IL1RAPL2: variants seen among roughly 807,000 people sequenced by gnomAD.
The protein encoded by IL1RAPL2 is interleukin 1 receptor accessory protein like 2.
Under a neutral mutation model 44.1 loss-of-function variants are expected in IL1RAPL2, and 3 were observed. That is an observed-to-expected ratio of 0.07 (90% confidence interval 0.03 to 0.18). IL1RAPL2 has a LOEUF of 0.18. Ranked by LOEUF, IL1RAPL2 falls within the 10% of genes least tolerant of loss-of-function variation. The pLI is 1.00. For missense variants in IL1RAPL2, 391 were observed against 496.4 expected (o/e 0.79, Z 2.02); for synonymous variants, 181 against 178.8 (o/e 1.01, Z -0.10).
intron 6 of IL1RAPL2, among the ~76,000 whole-genome samples, chrX:105,523,911 T>C (rs1027754629): frequency 2.0e-4 from 22 of 111,444 alleles, no homozygotes; most frequent in Non-Finnish European, 3.6e-4. Context: ...GTTCAGTATA[T>C]GAATGAACAG....
At chrX:105,309,985 A>G (rs2034784125) in intron 5 of IL1RAPL2, among the ~76,000 whole-genome samples, 1 of 111,374 alleles carries the variant, frequency 9.0e-6, no homozygotes, top group Non-Finnish European at 1.9e-5. Context: ...TATCATGATT[A>G]TGATGGTTTT....
intron 2 of IL1RAPL2, among the ~76,000 whole-genome samples, chrX:104,784,152 A>G (rs1932787476): frequency 8.9e-6 from 1 of 112,163 alleles, no homozygotes; most frequent in South Asian, 3.7e-4. Context: ...GGCAAGATGC[A>G]CATGTATTTC....
At chrX:104,670,471 C>T (rs1237385271) in intron 2 of IL1RAPL2, among the ~76,000 whole-genome samples, 3 of 111,599 alleles carry the variant, frequency 2.7e-5, no homozygotes, top group East Asian at 2.8e-4. Context: ...AATGTTATCT[C>T]CTCTGGCAAC....
intron 5 of IL1RAPL2, among the ~76,000 whole-genome samples, chrX:105,359,268 T>C (rs1602375610): frequency 9.0e-6 from 1 of 111,409 alleles, no homozygotes; most frequent in South Asian, 3.8e-4. Context: ...AGAATTTAAG[T>C]AGATGTAGAG....
At chrX:104,971,199 T>A (rs1437488772) in intron 2 of IL1RAPL2, among the ~76,000 whole-genome samples, 1 of 109,552 alleles carries the variant, frequency 9.1e-6, no homozygotes, top group African/African-American at 3.3e-5. Context: ...AATACAAAAA[T>A]TAGCCGGGCG....
chrX:104,726,598 T>A (rs1931798228), intron 2 of IL1RAPL2, among the ~76,000 whole-genome samples: 1 of 111,388 alleles, frequency 9.0e-6, no homozygotes, highest in African/African-American at 3.3e-5. Context: ...GTTCTTCACA[T>A]CTCTTGTAAG....
intron 2 of IL1RAPL2, among the ~76,000 whole-genome samples, chrX:104,898,756 A>G (rs1235911437): frequency 8.9e-6 from 1 of 112,120 alleles, no homozygotes; most frequent in African/African-American, 3.2e-5. Flanking sequence ...TGAGCTGAAC[A>G]TTTTCTTTTG....
rs191214897 is a variant in IL1RAPL2 at position 104,778,279 on chromosome X, C to T, written c.82+119284C>T. On this transcript the variant is annotated intron_variant, in intron 2 of 10. Coordinates refer to ENST00000372582, the MANE Select transcript of IL1RAPL2 (RefSeq NM_017416.2). ...AGATCTTTAATTCAGAAAAGAATTT[C>T]TATGCAATGAAAAGAGAGAAAAGTA... Among the ~76,000 whole-genome samples the T allele has an allele frequency of 1.4e-4, 16 of 110,977 alleles. No individual in the cohort carries two copies. In the East Asian group the frequency reaches 4.2e-3, roughly 29 times the overall value.
chrX:104,867,130 G>A (rs1182529284), intron 2 of IL1RAPL2, among the ~76,000 whole-genome samples: 3 of 107,461 alleles, frequency 2.8e-5, no homozygotes, highest in East Asian at 2.9e-4. Context: ...CCAGCTACTC[G>A]GGAGGCTGAG....
intron 6 of IL1RAPL2, among the ~76,000 whole-genome samples, chrX:105,613,063 AGCTTGTG>A (rs1351086948): frequency 3.6e-5 from 4 of 111,684 alleles, no homozygotes; most frequent in Non-Finnish European, 7.5e-5. Context: ...CAGGCTGAAC[AGCTTGTG>A]GCTCCAAAAA....
At chrX:105,213,637 GA>G (rs1161481914) in intron 3 of IL1RAPL2, among the ~76,000 whole-genome samples, 1 of 110,542 alleles carries the variant, frequency 9.0e-6, no homozygotes, top group Non-Finnish European at 1.9e-5. Flanking sequence ...ACACCACTAA[GA>G]TACTCTTCGA....
At chrX:104,950,555 C>A (rs1925544436) in intron 2 of IL1RAPL2, among the ~76,000 whole-genome samples, 1 of 112,433 alleles carries the variant, frequency 8.9e-6, no homozygotes, top group Non-Finnish European at 1.9e-5. Flanking sequence ...CAGTGACGGG[C>A]GCCCCTCCCC....
chrX:105,570,269 A>C (rs776641912), intron 6 of IL1RAPL2, among the ~76,000 whole-genome samples: 1 of 111,819 alleles, frequency 8.9e-6, no homozygotes, highest in East Asian at 2.8e-4. Context: ...CTCCATCTCC[A>C]TCCAAATGGC....
At chrX:104,709,141 T>C (rs1218781245) in intron 2 of IL1RAPL2, among the ~76,000 whole-genome samples, 1 of 110,162 alleles carries the variant, frequency 9.1e-6, no homozygotes, top group African/African-American at 3.3e-5. Flanking sequence ...TCTTTGACCA[T>C]AGGTAAGCTA....
intron 3 of IL1RAPL2, among the ~76,000 whole-genome samples, chrX:105,201,035 C>T (rs2033713514): frequency 9.0e-6 from 1 of 111,381 alleles, no homozygotes; most frequent in African/African-American, 3.3e-5. Context: ...ATTATTATGA[C>T]CATTTACCTC....
intron 1 of IL1RAPL2, among the ~76,000 whole-genome samples, chrX:104,574,859 A>G: frequency 8.9e-6 from 1 of 112,549 alleles, no homozygotes; most frequent in Middle Eastern, 4.8e-3. Context: ...GCATATAAGC[A>G]TATGAAATGT....
At position 105,077,428 on chromosome X, in the gene IL1RAPL2, G is replaced by T. The variant is rs1013998675; in HGVS notation, c.83-118047G>T. 6.3e-5 allele frequency among the ~76,000 whole-genome samples: 7 copies of T among 111,807 alleles called. No individual in the cohort carries two copies. In the East Asian group the frequency reaches 2.0e-3, roughly 31 times the overall value. ...AGAGAGGTCAGCTGTTAGTCTGATG[G>T]GCTTCCCTTTGTGGGTAACCAGACC... On this transcript the variant is annotated intron_variant, in intron 2 of 10. Transcript: ENST00000372582.
At chrX:104,800,078 C>T (rs766693378) in intron 2 of IL1RAPL2, among the ~76,000 whole-genome samples, 10 of 110,160 alleles carry the variant, frequency 9.1e-5, no homozygotes, top group Admixed American at 1.9e-4. Context: ...ACCTGAAAGA[C>T]TTTATGTGCT....
chrX:105,401,168 C>T (rs1289365668), intron 5 of IL1RAPL2, among the ~76,000 whole-genome samples: 1 of 111,733 alleles, frequency 8.9e-6, no homozygotes, highest in African/African-American at 3.2e-5. Context: ...CCCACACTTT[C>T]ATATTGTTAA....
Sources: gnomAD v4.1 joint callset for allele counts (sites outside exome capture counted in the v4.1 genomes callset) on GRCh38, gnomAD v4.1.1 for gene constraint, MANE v1.5 for transcripts, NCBI Gene and HGNC (gene_info 2026-07-23, HGNC 2026-07-21) for gene names.